ZFHX3: variants seen among roughly 807,000 people sequenced by gnomAD.
ZFHX3 encodes the protein zinc finger homeobox protein 3.
A neutral mutation model predicts 279.1 loss-of-function variants in ZFHX3; 42 were observed. The observed-to-expected ratio is 0.15, with a 90% CI of 0.12 to 0.19. The LOEUF (loss-of-function observed/expected upper bound fraction) is 0.19, where lower values mean the gene tolerates loss of function less well. ZFHX3 is among the 10% of genes least tolerant of loss of function. The pLI is 1.00. For missense variants in ZFHX3, 4,981 were observed against 4,754.0 expected (o/e 1.05, Z -1.40); for synonymous variants, 2,293 against 1,957.8 (o/e 1.17, Z -4.52).
At chr16:73,766,744 G>T (rs753694269) in intron 1 of ZFHX3, among the ~76,000 whole-genome samples, 32 of 152,122 alleles carry the variant, frequency 2.1e-4, no homozygotes, top group Non-Finnish European at 4.6e-4. Context: ...GACCAGAAGT[G>T]ACATGGGTCC....
chr16:72,898,189 G>T (rs74028143), intron 3 of ZFHX3, among the ~76,000 whole-genome samples: 3 of 152,044 alleles, frequency 2.0e-5, no homozygotes, highest in African/African-American at 7.3e-5. Context: ...CGTCCTTGAC[G>T]CATGCTAATT....
At chr16:73,603,014 G>C (rs1408572728) in intron 2 of ZFHX3, among the ~76,000 whole-genome samples, 1 of 151,268 alleles carries the variant, frequency 6.6e-6, no homozygotes, top group Non-Finnish European at 1.5e-5. Flanking sequence ...GGCCGGGCGC[G>C]GTGACTCACG....
intron 1 of ZFHX3, among the ~76,000 whole-genome samples, chr16:73,795,064 T>C (rs4888799): frequency 0.57 from 86,441 of 152,040 alleles, 26,226 homozygotes; most frequent in African/African-American, 0.8. Flanking sequence ...GGAACAAGTA[T>C]TGGCTCAAGC....
At chr16:72,805,946 G>C (rs751104643) in intron 7 of ZFHX3, 4 of 151,924 alleles carry the variant, frequency 2.6e-5, no homozygotes, top group Non-Finnish European at 4.4e-5. Context: ...CTGGAGTGCA[G>C]TGGCACAACC....
chr16:73,517,188 T>A (rs895136785), intron 2 of ZFHX3, among the ~76,000 whole-genome samples: 1 of 152,122 alleles, frequency 6.6e-6, no homozygotes, highest in East Asian at 1.9e-4. Flanking sequence ...TGTTCTACCG[T>A]CCATCACCTT....
chr16:72,816,824 A>T (rs549306670), intron 5 of ZFHX3, among the ~76,000 whole-genome samples: 1 of 152,224 alleles, frequency 6.6e-6, no homozygotes, highest in Admixed American at 6.5e-5. Context: ...AGGGAAGCAC[A>T]GTTGTCAATA....
At chr16:73,077,655 T>G (rs1965901705) in intron 8 of ZFHX3, among the ~76,000 whole-genome samples, 1 of 152,208 alleles carries the variant, frequency 6.6e-6, no homozygotes, top group Non-Finnish European at 1.5e-5. Flanking sequence ...TGACCTCCAC[T>G]TTGACAAGCC....
intron 1 of ZFHX3, chr16:73,816,076 T>G (rs1484583777): frequency 6.6e-6 from 1 of 152,162 alleles, no homozygotes; most frequent in South Asian, 2.1e-4. Flanking sequence ...AGACCTGGAA[T>G]ATGGATCTAA....
chr16:73,400,309 G>A (rs1192998462), intron 3 of ZFHX3: 1 of 152,196 alleles, frequency 6.6e-6, no homozygotes, highest in Non-Finnish European at 1.5e-5. Context: ...CATTTTGTTT[G>A]TGCACATGTA....
intron 7 of ZFHX3, among the ~76,000 whole-genome samples, chr16:73,120,487 T>C (rs1966483553): frequency 6.6e-6 from 1 of 152,072 alleles, no homozygotes. Context: ...TTGCCCAGGC[T>C]ACTCTCAAAC....
At chr16:73,345,853 T>A (rs2016114268) in intron 3 of ZFHX3, among the ~76,000 whole-genome samples, 1 of 152,156 alleles carries the variant, frequency 6.6e-6, no homozygotes, top group Admixed American at 6.5e-5. Flanking sequence ...TGGTGCTCGG[T>A]GACACCAGCC....
At chr16:73,776,946 T>C (rs190726529) in intron 1 of ZFHX3, among the ~76,000 whole-genome samples, 78 of 152,310 alleles carry the variant, frequency 5.1e-4, no homozygotes, top group South Asian at 1.0e-3. Context: ...ATTGTGTACC[T>C]GAATTGGGCC....
intron 9 of ZFHX3, chr16:72,791,190 A>G (rs889067214): frequency 2.6e-5 from 4 of 152,230 alleles, no homozygotes; most frequent in Admixed American, 6.5e-5. Context: ...TCAGCTTTCC[A>G]TAACAGATGG....
At chr16:73,613,842 G>A (rs889417374) in intron 2 of ZFHX3, among the ~76,000 whole-genome samples, 1 of 152,194 alleles carries the variant, frequency 6.6e-6, no homozygotes, top group African/African-American at 2.4e-5. Flanking sequence ...GTCAAGAACC[G>A]AGTTCCTGCT....
intron 3 of ZFHX3, among the ~76,000 whole-genome samples, chr16:73,324,114 G>T (rs545614489): frequency 6.6e-6 from 1 of 152,362 alleles, no homozygotes; most frequent in East Asian, 1.9e-4. Context: ...ATGTAGCCAA[G>T]TGTAGCCAGA....
At chr16:73,173,009 T>TG (rs1666459291) in intron 5 of ZFHX3, among the ~76,000 whole-genome samples, 4 of 24,830 alleles carry the variant, frequency 1.6e-4, no homozygotes, top group Non-Finnish European at 4.0e-4. Context: ...TTTTTTTTTG[T>TG]TTTTTTTTTT....
At chr16:73,287,497 T>G (rs376417007) in intron 4 of ZFHX3, among the ~76,000 whole-genome samples, 436 of 137,464 alleles carry the variant, frequency 3.2e-3, no homozygotes, top group African/African-American at 0.011. Context: ...GGTTGATGAG[T>G]GGCTATGTGG....
At chr16:73,247,802 T>C (rs1445774230) in intron 5 of ZFHX3, among the ~76,000 whole-genome samples, 4 of 152,188 alleles carry the variant, frequency 2.6e-5, no homozygotes, top group Non-Finnish European at 4.4e-5. Flanking sequence ...TATGTGTTTG[T>C]ATGTGGAGTG....
intron 1 of ZFHX3, among the ~76,000 whole-genome samples, chr16:72,976,888 C>T (rs1400336949): frequency 1.4e-5 from 2 of 142,612 alleles, no homozygotes; most frequent in Non-Finnish European, 3.0e-5. Flanking sequence ...TCCGCCAGTG[C>T]CCCGGGAGTT....
Sources: gnomAD v4.1 joint callset for allele counts (sites outside exome capture counted in the v4.1 genomes callset) on GRCh38, gnomAD v4.1.1 for gene constraint, MANE v1.5 for transcripts, NCBI Gene and HGNC (gene_info 2026-07-23, HGNC 2026-07-21) for gene names.